Variants in CCDC171 observed in about 807,000 individuals in gnomAD.
The protein encoded by CCDC171 is coiled-coil domain containing 171.
CCDC171 carries 177 observed loss-of-function variants against 168.2 expected under a neutral mutation model. That is an observed-to-expected ratio of 1.05 (90% CI 0.93 to 1.19). The LOEUF (loss-of-function observed/expected upper bound fraction) is 1.19, where lower values mean the gene tolerates loss of function less well. CCDC171 is among the 50% of genes most tolerant of loss of function. The probability of loss-of-function intolerance (pLI) is 0.00; values close to 1 mark genes in which losing one functional copy is unlikely to be tolerated. For synonymous variants in CCDC171, 687 were observed against 540.8 expected, an observed-to-expected ratio of 1.27 and a Z score of -3.75; for missense variants, 1,991 against 1,539.0, an observed-to-expected ratio of 1.29 and a Z score of -4.91.
chr9:15,906,965 C>T lies in CCDC171; in HGVS notation c.3601-13305C>T, dbSNP rs1023464531. 8.3e-4 allele frequency among the ~76,000 whole-genome samples: 125 copies of T among 151,472 alleles called. 1 individual carries two copies. The highest frequency in any genetic ancestry group is 2.6e-3 in the African/African-American group (109 of 41,332). Reference sequence around the variant, plus strand: ...AAAATACCTAGGATGTGAAGGACCTCTTCAAGGAGAACTACAAACCACTGC... The same window carrying T: ...AAAATACCTAGGATGTGAAGGACCTTTTCAAGGAGAACTACAAACCACTGC... On this transcript the variant is annotated intron_variant, in intron 24 of 25. Coordinates refer to ENST00000380701, the MANE Select transcript of CCDC171 (RefSeq NM_173550.4).
At chr9:16,079,911 T>G in the CCDC171 span, among the ~76,000 whole-genome samples, 3 of 152,238 alleles carry the variant, frequency 2.0e-5, no homozygotes, top group Admixed American at 1.3e-4. Context: ...TATCCTCATT[T>G]TGCACATGAG....
the CCDC171 span, among the ~76,000 whole-genome samples, chr9:16,076,660 C>G: frequency 1.3e-5 from 2 of 152,190 alleles, no homozygotes; most frequent in African/African-American, 2.4e-5. Flanking sequence ...TCTCCATGCA[C>G]TGTTTTGACT....
upstream of CCDC171, among the ~76,000 whole-genome samples, chr9:16,038,881 A>AAAAAAAAAAAAAAG (rs1554714920): frequency 7.4e-6 from 1 of 135,090 alleles, no homozygotes; most frequent in Non-Finnish European, 1.6e-5. Context: ...AAAAAAAAAA[A>AAAAAAAAAAAAAAG]AAAGCTGAAT....
chr9:15,621,592 C>T (rs1351831792), intron 6 of CCDC171, among the ~76,000 whole-genome samples: 2 of 152,074 alleles, frequency 1.3e-5, no homozygotes, highest in Non-Finnish European at 2.9e-5. Context: ...GAATCTCAGA[C>T]CAGTCAGAAT....
At chr9:15,811,045 A>G (rs1464560288) in intron 21 of CCDC171, among the ~76,000 whole-genome samples, 9 of 152,266 alleles carry the variant, frequency 5.9e-5, no homozygotes, top group Non-Finnish European at 1.3e-4. Context: ...GTTTATCATT[A>G]CAGAAAATTC....
chr9:15,757,985 G>C (rs1258318477), intron 18 of CCDC171, among the ~76,000 whole-genome samples: 1 of 152,212 alleles, frequency 6.6e-6, no homozygotes, highest in Non-Finnish European at 1.5e-5. Flanking sequence ...CAGGGGTGGG[G>C]CTCTTATAGA....
chr9:15,874,958 T>C (rs1270286998), intron 24 of CCDC171: 1 of 185,976 alleles, frequency 5.4e-6, no homozygotes, highest in African/African-American at 2.3e-5. Context: ...CAGAGGACAA[T>C]AAGACACTAG....
At position 15,622,989 on chromosome 9, in the gene CCDC171, G is replaced by C. The variant is rs190101157; in HGVS notation, c.676-278G>C. 5.3e-3 allele frequency among the ~76,000 whole-genome samples: 808 copies of C among 152,290 alleles called. 30 individuals are homozygous for C. The highest frequency in any genetic ancestry group is 0.049 in the Admixed American group (753 of 15,288). On this transcript the variant is annotated intron_variant, in intron 6 of 25. Coordinates refer to ENST00000380701, the MANE Select transcript of CCDC171 (RefSeq NM_173550.4). ...CTACTGCATTATATAAATACCTTCAGAGGTCAGTTAAACTAATGTAACTTT... is the reference window on the plus strand; with the variant it reads ...CTACTGCATTATATAAATACCTTCACAGGTCAGTTAAACTAATGTAACTTT...
At chr9:15,814,822 C>T (rs193111292) in intron 21 of CCDC171, among the ~76,000 whole-genome samples, 83 of 152,170 alleles carry the variant, frequency 5.5e-4, no homozygotes, top group African/African-American at 1.9e-3. Context: ...CATATTTGAG[C>T]CTCTACTATG....
intron 24 of CCDC171, among the ~76,000 whole-genome samples, chr9:15,898,071 G>T (rs1047108908): frequency 3.3e-5 from 5 of 152,158 alleles, no homozygotes; most frequent in African/African-American, 1.2e-4. Context: ...CAGGATTATT[G>T]TCAGAATTAG....
intron 25 of CCDC171, among the ~76,000 whole-genome samples, chr9:15,926,741 T>C (rs1825940023): frequency 6.6e-6 from 1 of 151,658 alleles, no homozygotes; most frequent in South Asian, 2.1e-4. Flanking sequence ...TCTGGCATAT[T>C]AGTAGGTGAT....
At chr9:15,569,838 C>CAAAAAACAA (rs373129900) in intron 2 of CCDC171, among the ~76,000 whole-genome samples, 170 of 63,524 alleles carry the variant, frequency 2.7e-3, no homozygotes, top group Middle Eastern at 0.011. Flanking sequence ...AAACAAAAAA[C>CAAAAAACAA]AAACAAACAA....
intron 7 of CCDC171, among the ~76,000 whole-genome samples, chr9:15,642,315 GTATA>G (rs150606956): frequency 2.5e-5 from 3 of 121,458 alleles, no homozygotes; most frequent in African/African-American, 6.8e-5. Context: ...ATGTATACAC[GTATA>G]TATATATATA....
Position 15,667,705 on chromosome 9 carries a change from A to G in CCDC171, c.1076+1382A>G, listed in dbSNP as rs554480372. ...GTGAGTTAACTTAAGTGAAAGTGTG[A>G]TTTAAATAGCGGTAATTTTTGTGAG... On this transcript the variant is annotated intron_variant, in intron 9 of 25. Coordinates refer to ENST00000380701, the MANE Select transcript of CCDC171 (RefSeq NM_173550.4). Among the ~76,000 whole-genome samples the G allele has an allele frequency of 2.6e-5, 4 of 152,322 alleles. No individual in the cohort carries two copies. In the East Asian group the frequency reaches 7.7e-4, roughly 29 times the overall value.
intron 1 of CCDC171, among the ~76,000 whole-genome samples, chr9:16,060,476 G>A (rs1045729783): frequency 7.9e-5 from 12 of 152,238 alleles, no homozygotes; most frequent in African/African-American, 2.9e-4. Flanking sequence ...GCCTCAGCCC[G>A]CTTGCTGCCA....
intron 11 of CCDC171, among the ~76,000 whole-genome samples, chr9:15,700,403 G>A (rs1300999962): frequency 3.3e-5 from 5 of 152,172 alleles, no homozygotes; most frequent in Non-Finnish European, 4.4e-5. Flanking sequence ...GCGCAGCCCC[G>A]GTTCCCACTC....
chr9:15,969,492 T>C (rs926130043), intron 25 of CCDC171, among the ~76,000 whole-genome samples: 3 of 152,206 alleles, frequency 2.0e-5, no homozygotes, highest in Non-Finnish European at 4.4e-5. Flanking sequence ...GTTACCTTTC[T>C]CTAAAACATC....
intron 1 of CCDC171, among the ~76,000 whole-genome samples, chr9:16,044,271 T>C (rs1477532354): frequency 6.6e-6 from 1 of 152,220 alleles, no homozygotes; most frequent in Non-Finnish European, 1.5e-5. Flanking sequence ...ACTTCCTTTT[T>C]AACTTGGCAG....
intron 16 of CCDC171, among the ~76,000 whole-genome samples, chr9:15,731,457 A>G (rs969548939): frequency 2.6e-5 from 4 of 152,122 alleles, no homozygotes; most frequent in South Asian, 2.1e-4. Flanking sequence ...GAATCATTCA[A>G]TAGTCTGGTG....
Sources: allele counts gnomAD v4.1 joint callset (sites outside exome capture counted in the v4.1 genomes callset), GRCh38; gene constraint gnomAD v4.1.1; transcripts MANE v1.5; gene names NCBI Gene and HGNC (gene_info 2026-07-23, HGNC 2026-07-21).